The following CHD8 variants were observed in gnomAD, a reference collection of about 807,000 sequenced individuals.
CHD8 encodes the protein ATP-dependent chromatin remodeler CHD8.
In CHD8, 31 loss-of-function variants were observed where a neutral mutation model predicts 279.2. That is an observed-to-expected ratio of 0.11 (90% CI 0.08 to 0.15). The LOEUF (loss-of-function observed/expected upper bound fraction) is 0.15. Among genes scored for constraint, CHD8 ranks in the 10% least tolerant of loss-of-function variants. The pLI is 1.00. For missense variants in CHD8, 2,146 were observed against 3,230.5 expected, an observed-to-expected ratio of 0.66 and a Z score of 8.14; for synonymous variants, 1,081 against 1,139.6, an observed-to-expected ratio of 0.95 and a Z score of 1.04.
rs1166682513 is a variant in CHD8, at chr14:21,431,205, T to C, written c.439A>G (p.Ser147Gly). Residue 147 changes from serine (S) to glycine (G), a missense_variant, in exon 2 of 38, where the codon AGT becomes GGT. Physicochemically the swap from Ser to Gly is moderately conservative, Grantham distance 56. Around this residue, in one of 26 missense-constraint regions of CHD8, gnomAD observed 302 missense variants for 325.5 expected, o/e 0.93. Transcript: ENST00000646647. ...GVSATAVSSS[S>G]AGGQPPQSAP... ...GACTGAGGTGGCTGCCCTCCAGCAC[T>C]ACTGGAGGAGACAGCTGTGGCAGAG... 1 of 1,599,002 alleles carries C rather than the reference T, an allele frequency of 6.3e-7. No homozygotes were observed. Among genetic ancestry groups the C allele is most frequent in the Non-Finnish European group, 8.5e-7 (1 of 1,179,664 alleles).
rs1890383737 is a variant in CHD8 at position 21,456,098 on chromosome 14, C to G, written c.-282G>C. ...CTCACCCTCTCCGAGAACAAGGCGC[C>G]TTCCGGCGGAGCATGGCCAGCCCTC... On this transcript the variant is annotated 5_prime_UTR_variant, in exon 1 of 38. Coordinates refer to ENST00000646647, the MANE Select transcript of CHD8 (RefSeq NM_001170629.2). 1 of 152,300 alleles carries G rather than the reference C, an allele frequency of 6.6e-6. No individual in the cohort carries two copies. 9.4% of individuals were successfully genotyped at this position (152,300 alleles called of 1,614,324 possible).
At chr14:21,397,576 G>A (rs1887845016) in intron 27 of CHD8, 3 of 432,890 alleles carry the variant, frequency 6.9e-6, no homozygotes, top group Middle Eastern at 4.8e-4. Context: ...GAAGAGTGTT[G>A]TAAACCAAAC....
At chr14:21,430,477 G>C (rs1480581564) in intron 2 of CHD8, 1 of 233,088 alleles carries the variant, frequency 4.3e-6, no homozygotes, top group African/African-American at 2.2e-5. Flanking sequence ...ATAAAACTTT[G>C]TATCACACAA....
chr14:21,441,702 C>A (rs993335031), intron 1 of CHD8, among the ~76,000 whole-genome samples: 2 of 152,016 alleles, frequency 1.3e-5, no homozygotes, highest in African/African-American at 2.4e-5. Context: ...TCCTGGCTAA[C>A]ACGGTGAAAC....
chr14:21,407,075 C>A, intron 13 of CHD8, 43 bp from the exon 14 acceptor site: 2 of 1,485,286 alleles, frequency 1.3e-6, no homozygotes, highest in Non-Finnish European at 1.8e-6. Context: ...CAAAAATGTA[C>A]CTAAATGAGG....
intron 5 of CHD8, chr14:21,416,415 T>C (rs1030478089): frequency 6.6e-6 from 1 of 152,308 alleles, no homozygotes; most frequent in African/African-American, 2.4e-5. Flanking sequence ...TTCAAGTGGC[T>C]GAATTAAACA....
chr14:21,448,200 G>A (rs1890172716), intron 1 of CHD8, among the ~76,000 whole-genome samples: 1 of 152,164 alleles, frequency 6.6e-6, no homozygotes, highest in South Asian at 2.1e-4. Flanking sequence ...ACATCATAAA[G>A]CACTGTTATT....
At chr14:21,420,482 TG>T (rs1888977893) in intron 5 of CHD8, among the ~76,000 whole-genome samples, 1 of 152,130 alleles carries the variant, frequency 6.6e-6, no homozygotes, top group South Asian at 2.1e-4. Flanking sequence ...AGTGGGAGAA[TG>T]GGAACATGGG....
rs1555316473 is a variant in CHD8, at chr14:21,415,630, C to T, written c.1912G>A (p.Glu638Lys). ...TTGTCTACAATGGCTGCATCTTCTT[C>T]ACTGGGATTCTCCTGCAGCAAAAGA... is the stretch of plus-strand genomic sequence containing the variant. ...SMQFFVENPSEEDAAIVDKVL... is the reference protein window; with the variant it reads ...SMQFFVENPSKEDAAIVDKVL... The change falls in exon 7 of 38, where the codon GAA becomes AAA. Residue 638 changes from glutamate (E) to lysine (K), a missense_variant. Physicochemically the swap from Glu to Lys is moderately conservative, Grantham distance 56. Transcript: ENST00000646647. The T allele has an allele frequency of 6.2e-7, 1 of 1,608,858 alleles. No individual in the cohort carries two copies. The highest frequency in any genetic ancestry group is 8.5e-7 in the Non-Finnish European group (1 of 1,177,476).
At position 21,406,977 on chromosome 14, in the gene CHD8, A is replaced by G. The variant is rs1194318094; in HGVS notation, c.2786T>C (p.Met929Thr). The change falls in exon 14 of 38, where the codon ATG (methionine) becomes ACG (threonine). Residue 929 changes from methionine to threonine, a missense_variant. Met to Thr is a moderately conservative substitution (Grantham distance 81). Transcript: ENST00000646647. ...KFDALITTFE[M>T]ILSDCPELRE... ...AAGCTCAGGACAATCTGACAAAATC[A>G]TCTCAAAAGTGGTGATCAGAGCGTC... 1.2e-6 allele frequency: 2 copies of G among 1,606,168 alleles called. No individual in the cohort carries two copies. The highest frequency in any genetic ancestry group is 1.7e-5 in the Admixed American group (1 of 58,606).
Position 21,431,471 on chromosome 14 carries a change from A to G in CHD8, c.173T>C (p.Val58Ala). The G allele has an allele frequency of 6.5e-7, 1 of 1,536,976 alleles. No homozygotes were observed. Among genetic ancestry groups the G allele is most frequent in the Non-Finnish European group, 8.7e-7 (1 of 1,146,768 alleles). The change falls in exon 2 of 38, where the codon GTG becomes GCG. Residue 58 changes from valine to alanine, a missense_variant. Val to Ala is a moderately conservative substitution (Grantham distance 64). Transcript: ENST00000646647. ...QMNQDGGGGD[V>A]GNSSASELVP... The stretch of plus-strand genomic sequence containing the variant: ...CAGTTCACTTGCTGATGAATTCCCC[A>G]CATCACCACCTCCACCATCCTGGTT...
intron 13 of CHD8, 93 bp from the exon 14 acceptor site, chr14:21,407,125 A>C: frequency 9.7e-7 from 1 of 1,027,812 alleles, no homozygotes; most frequent in East Asian, 2.6e-5. Context: ...GGCATGTTTA[A>C]TAGGCAATAC....
At chr14:21,440,496 C>T (rs913081281) in intron 1 of CHD8, among the ~76,000 whole-genome samples, 5 of 152,032 alleles carry the variant, frequency 3.3e-5, no homozygotes, top group African/African-American at 1.2e-4. Flanking sequence ...TGTGAGCCAC[C>T]GCATCCAGCC....
At chr14:21,415,071 C>A in intron 7 of CHD8, 78 bp from the exon 8 acceptor site, 2 of 894,610 alleles carry the variant, frequency 2.2e-6, no homozygotes, top group Non-Finnish European at 3.6e-6. Context: ...CCACACATTG[C>A]AGAACTTCAT....
intron 1 of CHD8, chr14:21,454,981 CTT>C (rs779762054): frequency 6.6e-6 from 1 of 152,218 alleles, no homozygotes; most frequent in Non-Finnish European, 1.5e-5. Context: ...CACCAGATGA[CTT>C]CAGCATATGC....
intron 5 of CHD8, among the ~76,000 whole-genome samples, chr14:21,417,533 C>T (rs1246064072): frequency 6.6e-6 from 1 of 152,078 alleles, no homozygotes; most frequent in Non-Finnish European, 1.5e-5. Context: ...CTGGGCAACA[C>T]AGTGAGACCC....
intron 5 of CHD8, among the ~76,000 whole-genome samples, chr14:21,421,923 T>C (rs917351053): frequency 3.3e-5 from 5 of 152,118 alleles, no homozygotes; most frequent in Non-Finnish European, 5.9e-5. Context: ...TGTGTACCAA[T>C]AGAGGAAAGA....
At position 21,427,907 on chromosome 14, in the gene CHD8, T is replaced by C. The variant is rs1889396981; in HGVS notation, c.1563A>G (p.Thr521=). The change falls in exon 4 of 38, where the codon ACA becomes ACG. Residue 521 remains threonine, a synonymous_variant. Transcript: ENST00000646647. Reference sequence around the variant, plus strand: ...TGCCCTTTGTTTTGGAGGCACCAGATGTTTTACTCTTCTTTGGCTTCTCCT... The same window carrying C: ...TGCCCTTTGTTTTGGAGGCACCAGACGTTTTACTCTTCTTTGGCTTCTCCT... The part of the protein sequence containing the change: ...LKEEKPKKSK[T]SGASKTKGKS... 2 of 1,614,078 alleles carry C rather than the reference T, an allele frequency of 1.2e-6. No homozygotes were observed. The highest frequency in any genetic ancestry group is 8.5e-7 in the Non-Finnish European group (1 of 1,179,910).
chr14:21,450,248 T>C (rs1890225363), intron 1 of CHD8, among the ~76,000 whole-genome samples: 1 of 152,244 alleles, frequency 6.6e-6, no homozygotes, highest in African/African-American at 2.4e-5. Flanking sequence ...AATTCTGTTA[T>C]GATTTGGGTG....
Sources: allele counts gnomAD v4.1 joint callset (sites outside exome capture counted in the v4.1 genomes callset), GRCh38; gene constraint gnomAD v4.1.1; regional missense constraint gnomAD v4.1.1; transcripts MANE v1.5; gene names NCBI Gene and HGNC (gene_info 2026-07-23, HGNC 2026-07-21).